The following PCDHA4 variants were observed in gnomAD, a reference collection of about 807,000 sequenced individuals.
PCDHA4 encodes the protein protocadherin alpha-4.
Under a neutral mutation model 61.4 loss-of-function variants are expected in PCDHA4, and 49 were observed. The ratio of observed to expected loss-of-function variants is 0.80; its 90% CI spans 0.63 to 1.01. PCDHA4 has a LOEUF of 1.01. PCDHA4 is among the 50% of genes least tolerant of loss of function. PCDHA4 has a pLI of 0.00. For missense variants in PCDHA4, 1,254 were observed against 1,235.8 expected (o/e 1.01, Z -0.22); for synonymous variants, 590 against 550.3 (o/e 1.07, Z -1.01).
chr5:140,860,904 A>ATT (rs369143047), intron 1 of PCDHA4: 1 of 152,182 alleles, frequency 6.6e-6, no homozygotes, highest in African/African-American at 2.4e-5. Context: ...CGCCAGGCTA[A>ATT]TTTTTTGTAT....
At chr5:140,904,270 G>A (rs374052783) in intron 1 of PCDHA4, among the ~76,000 whole-genome samples, 3 of 152,068 alleles carry the variant, frequency 2.0e-5, no homozygotes, top group East Asian at 3.9e-4. Context: ...ACTTATGAAT[G>A]AGAACATGTG....
chr5:140,917,338 G>GGGGGGGT (rs2078134893), intron 1 of PCDHA4, among the ~76,000 whole-genome samples: 1 of 137,894 alleles, frequency 7.3e-6, no homozygotes, highest in Non-Finnish European at 1.6e-5. Context: ...GGAGGGGGGG[G>GGGGGGGT]ATGGTGTAGG....
At chr5:141,000,405 A>ATG (rs2097918195) in intron 3 of PCDHA4, among the ~76,000 whole-genome samples, 3 of 88,878 alleles carry the variant, frequency 3.4e-5, no homozygotes, top group African/African-American at 1.4e-4. Flanking sequence ...CTATATATAT[A>ATG]TATATATATA....
intron 1 of PCDHA4, chr5:140,927,172 G>T: frequency 1.2e-6 from 2 of 1,614,152 alleles, no homozygotes; most frequent in Non-Finnish European, 1.7e-6. Flanking sequence ...AGCTGCCTGC[G>T]TCTTGACCTA....
chr5:140,890,259 T>C (rs1303485467), intron 1 of PCDHA4, among the ~76,000 whole-genome samples: 2 of 152,140 alleles, frequency 1.3e-5, no homozygotes, highest in Admixed American at 6.6e-5. Flanking sequence ...CTGCACCTGA[T>C]TGCAAGCAAG....
At position 140,981,034 on chromosome 5, in the gene PCDHA4, A is replaced by G. The variant is rs376817771; in HGVS notation, c.2445-1441A>G. ...ACTTGAAGGCTGTTAATATTTGGGGAAAAAAAACAGATAATTCTAGAGTGT... is the reference window on the plus strand; with the variant it reads ...ACTTGAAGGCTGTTAATATTTGGGGGAAAAAAACAGATAATTCTAGAGTGT... On this transcript the variant is annotated intron_variant, in intron 2 of 3. Transcript: ENST00000530339. Among the ~76,000 whole-genome samples, 183 of 149,642 alleles carry G rather than the reference A, an allele frequency of 1.2e-3. 1 individual carries two copies. Among genetic ancestry groups the G allele is most frequent in the African/African-American group, 4.1e-3 (163 of 39,298 alleles).
chr5:141,001,910 C>T (rs1365182561), intron 3 of PCDHA4, among the ~76,000 whole-genome samples: 1 of 152,196 alleles, frequency 6.6e-6, no homozygotes, highest in Non-Finnish European at 1.5e-5. Flanking sequence ...TTGAAAAAGA[C>T]TGCAGTGGCT....
chr5:140,912,530 A>C (rs2075961098), intron 1 of PCDHA4, among the ~76,000 whole-genome samples: 2 of 152,178 alleles, frequency 1.3e-5, no homozygotes, highest in East Asian at 1.9e-4. Context: ...TTCAGAGTAC[A>C]TGATCATATT....
chr5:140,940,164 A>G (rs2092564000), intron 1 of PCDHA4, among the ~76,000 whole-genome samples: 1 of 152,170 alleles, frequency 6.6e-6, no homozygotes, highest in Non-Finnish European at 1.5e-5. Context: ...TTTGCCTGAA[A>G]TGTCATTCTT....
At chr5:140,894,035 T>C (rs1554185902) in intron 1 of PCDHA4, among the ~76,000 whole-genome samples, 1 of 152,220 alleles carries the variant, frequency 6.6e-6, no homozygotes, top group Non-Finnish European at 1.5e-5. Context: ...ATACTGGTAA[T>C]GTAAGTCCTC....
intron 1 of PCDHA4, among the ~76,000 whole-genome samples, chr5:140,872,315 AAAT>A (rs1554166135): frequency 1.3e-5 from 2 of 152,130 alleles, no homozygotes. Context: ...TGCTTTATGG[AAAT>A]AATATGACTA....
At chr5:140,904,280 G>A in intron 1 of PCDHA4, among the ~76,000 whole-genome samples, 1 of 151,848 alleles carries the variant, frequency 6.6e-6, no homozygotes, top group Non-Finnish European at 1.5e-5. Flanking sequence ...GAGAACATGT[G>A]GTGTTTGGTT....
chr5:140,883,960 G>A (rs2059914384), intron 1 of PCDHA4: 1 of 1,613,090 alleles, frequency 6.2e-7, no homozygotes. Context: ...ACGCTCCGGC[G>A]CTGCTGACGC....
intron 1 of PCDHA4, among the ~76,000 whole-genome samples, chr5:140,935,239 A>G (rs1554210410): frequency 1.3e-5 from 2 of 152,172 alleles, no homozygotes. Flanking sequence ...TCTATTTTTT[A>G]AAAGATAAAA....
intron 1 of PCDHA4, chr5:140,822,056 T>C (rs2150113263): frequency 6.2e-7 from 1 of 1,614,216 alleles, no homozygotes; most frequent in Admixed American, 1.7e-5. Context: ...CGGGAGGAGC[T>C]GTGCCGGCGG....
chr5:140,954,536 T>C (rs1438016822), intron 1 of PCDHA4, among the ~76,000 whole-genome samples: 3 of 152,248 alleles, frequency 2.0e-5, no homozygotes, highest in African/African-American at 7.2e-5. Flanking sequence ...GTTGAGGTTT[T>C]TTTCATATGT....
At chr5:140,928,292 T>G in intron 1 of PCDHA4, 1 of 1,614,086 alleles carries the variant, frequency 6.2e-7, no homozygotes, top group Middle Eastern at 1.6e-4. Flanking sequence ...CTAGGCCGAG[T>G]GTTTGCCCAG....
intron 1 of PCDHA4, chr5:140,834,550 T>C (rs1773085767): frequency 6.2e-7 from 1 of 1,613,956 alleles, no homozygotes; most frequent in South Asian, 1.1e-5. Flanking sequence ...GGGCTGGAGC[T>C]GGCGGAGCTG....
At chr5:140,980,475 C>G (rs538255137) in intron 2 of PCDHA4, among the ~76,000 whole-genome samples, 10 of 152,148 alleles carry the variant, frequency 6.6e-5, no homozygotes, top group African/African-American at 2.2e-4. Context: ...ACTAAAAATA[C>G]AAAAATTAGC....
Sources: allele counts gnomAD v4.1 joint callset (sites outside exome capture counted in the v4.1 genomes callset), GRCh38; gene constraint gnomAD v4.1.1; transcripts MANE v1.5; gene names NCBI Gene and HGNC (gene_info 2026-07-23, HGNC 2026-07-21).